The following FAM135B variants were observed in gnomAD, a reference collection of about 807,000 sequenced individuals.
FAM135B encodes protein FAM135B.
FAM135B carries 43 observed loss-of-function variants against 127.7 expected under a neutral mutation model. The ratio of observed to expected loss-of-function variants is 0.34; its 90% CI spans 0.26 to 0.43. The LOEUF (loss-of-function observed/expected upper bound fraction) is 0.43. Among genes scored for constraint, FAM135B ranks in the 20% least tolerant of loss-of-function variants. The pLI, the probability that FAM135B is intolerant of heterozygous loss-of-function variation, is 1.00. For synonymous variants in FAM135B, 670 were observed against 665.1 expected (o/e 1.01, Z -0.11); for missense variants, 1,558 against 1,725.6 (o/e 0.90, Z 1.72).
chr8:138,139,176 A>C, intron 17 of FAM135B, 80 bp from the exon 18 acceptor site: 2 of 809,076 alleles, frequency 2.5e-6, no homozygotes, highest in Admixed American at 5.0e-5. Context: ...TGGTGAGATG[A>C]ACGTTAAACT....
chr8:138,286,177 A>G (rs1824672641), intron 3 of FAM135B, among the ~76,000 whole-genome samples: 1 of 152,256 alleles, frequency 6.6e-6, no homozygotes, highest in African/African-American at 2.4e-5. Flanking sequence ...GACCTGTTAT[A>G]TAACAATAAA....
chr8:138,200,009 T>C (rs1816984122), intron 7 of FAM135B, among the ~76,000 whole-genome samples: 1 of 152,192 alleles, frequency 6.6e-6, no homozygotes, highest in Non-Finnish European at 1.5e-5. Context: ...GCAGTCTCCA[T>C]ACTTAGCCAA....
chr8:138,374,918 G>A (rs1184770751), intron 1 of FAM135B, among the ~76,000 whole-genome samples: 1 of 152,054 alleles, frequency 6.6e-6, no homozygotes, highest in Non-Finnish European at 1.5e-5. Flanking sequence ...ACCACACTCT[G>A]GGTAAACCAG....
chr8:138,278,553 A>ATTTTTTTTT (rs557719866), intron 3 of FAM135B, among the ~76,000 whole-genome samples: 1 of 60,472 alleles, frequency 1.7e-5, no homozygotes, highest in African/African-American at 6.5e-5. Context: ...TAAGAACATG[A>ATTTTTTTTT]TTTTTTTTTT....
chr8:138,406,977 G>T (rs1188006281), intron 1 of FAM135B, among the ~76,000 whole-genome samples: 4 of 150,758 alleles, frequency 2.7e-5, no homozygotes, highest in African/African-American at 9.8e-5. Flanking sequence ...GTCCCTGTTT[G>T]CAGACGACAT....
intron 1 of FAM135B, among the ~76,000 whole-genome samples, chr8:138,454,895 T>C (rs1836691649): frequency 6.6e-6 from 1 of 152,198 alleles, no homozygotes; most frequent in Non-Finnish European, 1.5e-5. Context: ...TTTCTCACCT[T>C]CGTGTCATTA....
intron 1 of FAM135B, among the ~76,000 whole-genome samples, chr8:138,460,682 T>C (rs1837069495): frequency 6.6e-6 from 1 of 151,200 alleles, no homozygotes; most frequent in African/African-American, 2.4e-5. Flanking sequence ...AATAAAAGAA[T>C]AAATATTCTG....
intron 7 of FAM135B, among the ~76,000 whole-genome samples, chr8:138,209,654 G>A (rs1337969184): frequency 6.6e-6 from 1 of 152,176 alleles, no homozygotes; most frequent in Admixed American, 6.5e-5. Context: ...TCCAAACCAT[G>A]TGATAGTGTG....
chr8:138,302,011 C>A (rs1461409362), intron 3 of FAM135B, among the ~76,000 whole-genome samples: 2 of 152,136 alleles, frequency 1.3e-5, no homozygotes, highest in African/African-American at 4.8e-5. Context: ...ACATTCCAGT[C>A]CATGCAACTT....
chr8:138,433,523 C>CAATAAATA (rs144218276), intron 1 of FAM135B, among the ~76,000 whole-genome samples: 3,920 of 140,694 alleles, frequency 0.028, 70 homozygotes, highest in Middle Eastern at 0.049. Context: ...GATTCTGTCT[C>CAATAAATA]AATAAATAAA....
At chr8:138,451,454 A>T (rs895595186) in intron 1 of FAM135B, among the ~76,000 whole-genome samples, 2 of 152,224 alleles carry the variant, frequency 1.3e-5, no homozygotes, top group African/African-American at 4.8e-5. Flanking sequence ...TTGAAGGATG[A>T]AAAGGAAACA....
chr8:138,204,959 A>G (rs879310708), intron 7 of FAM135B, among the ~76,000 whole-genome samples: 21 of 152,328 alleles, frequency 1.4e-4, no homozygotes, highest in Admixed American at 1.2e-3. Flanking sequence ...AGCAGACTTC[A>G]AAATCTATAA....
Position 138,304,818 on chromosome 8 carries a change from C to T in FAM135B, c.157+6023G>A, listed in dbSNP as rs564775655. 1.1e-4 allele frequency among the ~76,000 whole-genome samples: 16 copies of T among 152,258 alleles called. No homozygotes were observed. In the South Asian group the frequency reaches 2.7e-3, roughly 26 times the overall value. On this transcript the variant is annotated intron_variant, in intron 3 of 19. Transcript: ENST00000395297. The stretch of plus-strand genomic sequence containing the variant: ...TGACAGAGCAGATTCCTGGCCTGCT[C>T]GAAGTGGAAGGAAAGGGCCCTGGGC...
In FAM135B at chr8:138,310,873, T is replaced by TG; in HGVS notation, c.124dup (p.His42ProfsTer23). 1 of 1,613,950 alleles carries TG rather than the reference T, an allele frequency of 6.2e-7. No homozygotes were observed. Among genetic ancestry groups the TG allele is most frequent in the Non-Finnish European group, 8.5e-7 (1 of 1,179,958 alleles). On this transcript the variant is annotated frameshift_variant, in exon 3 of 20. Coordinates refer to ENST00000395297, the MANE Select transcript of FAM135B (RefSeq NM_015912.4). LOFTEE classifies it high-confidence loss of function. ...CCCAGCGATGGAGGCACTCAGTCTG[T>TG]GGGGGATCCTTGAAGACACCTTCAA...
intron 2 of FAM135B, among the ~76,000 whole-genome samples, chr8:138,334,310 C>T (rs1009252298): frequency 6.6e-6 from 1 of 152,208 alleles, no homozygotes; most frequent in African/African-American, 2.4e-5. Flanking sequence ...ATCGCTCAGA[C>T]TTTGGCCTAC....
chr8:138,144,839 C>G (rs1331522494), intron 15 of FAM135B, among the ~76,000 whole-genome samples: 1 of 152,098 alleles, frequency 6.6e-6, no homozygotes. Context: ...TGTGCACACC[C>G]GGAAGGATTA....
intron 1 of FAM135B, among the ~76,000 whole-genome samples, chr8:138,420,689 T>C (rs749236232): frequency 7.3e-5 from 11 of 151,122 alleles, no homozygotes; most frequent in Non-Finnish European, 1.6e-4. Flanking sequence ...TGTTTCAACA[T>C]ACACAAACCA....
At chr8:138,187,726 C>T (rs530253842) in intron 9 of FAM135B, among the ~76,000 whole-genome samples, 2 of 152,284 alleles carry the variant, frequency 1.3e-5, no homozygotes, top group South Asian at 4.1e-4. Flanking sequence ...TTCATAAATT[C>T]CTTTCAAACA....
At chr8:138,445,686 C>T (rs558914566) in intron 1 of FAM135B, among the ~76,000 whole-genome samples, 308 of 152,260 alleles carry the variant, frequency 2.0e-3, no homozygotes, top group African/African-American at 7.0e-3. Context: ...GACAAACCCA[C>T]GGCCAATATC....
Sources: gnomAD v4.1 joint callset for allele counts (sites outside exome capture counted in the v4.1 genomes callset) on GRCh38, gnomAD v4.1.1 for gene constraint, MANE v1.5 for transcripts, NCBI Gene and HGNC (gene_info 2026-07-23, HGNC 2026-07-21) for gene names.